BLTP1: variants seen among roughly 807,000 people sequenced by gnomAD.
BLTP1 encodes the protein bridge-like lipid transfer protein family member 1.
the BLTP1 span, among the ~76,000 whole-genome samples, chr4:122,286,976 T>TAACAGACTAACCCTGTAAATAAA: frequency 6.6e-6 from 1 of 152,174 alleles, no homozygotes; most frequent in Admixed American, 6.5e-5. Context: ...TTAGTCTGAC[T>TAACAGACTAACCCTGTAAATAAA]ACCCTGTAGT....
chr4:122,314,351 G>A, the BLTP1 span, among the ~76,000 whole-genome samples: 1 of 152,172 alleles, frequency 6.6e-6, no homozygotes, highest in East Asian at 1.9e-4. Flanking sequence ...TAGTGAGTAG[G>A]CTAGCCATTG....
the BLTP1 span, among the ~76,000 whole-genome samples, chr4:122,299,497 T>C: frequency 6.6e-6 from 1 of 152,196 alleles, no homozygotes; most frequent in African/African-American, 2.4e-5. Context: ...GGAAATAGCA[T>C]TGAAAAGTAA....
chr4:122,282,779 T>C, the BLTP1 span, among the ~76,000 whole-genome samples: 1 of 152,244 alleles, frequency 6.6e-6, no homozygotes, highest in Non-Finnish European at 1.5e-5. Context: ...TTTAGCTGTT[T>C]TGAACTTTGT....
the BLTP1 span, chr4:122,336,322 C>A: frequency 6.2e-7 from 1 of 1,610,396 alleles, no homozygotes; most frequent in Non-Finnish European, 8.5e-7. Context: ...TGGAAACTAT[C>A]CCAATTACAC....
the BLTP1 span, among the ~76,000 whole-genome samples, chr4:122,335,657 C>T: frequency 6.6e-6 from 1 of 152,192 alleles, no homozygotes; most frequent in African/African-American, 2.4e-5. Flanking sequence ...GGATGTCTTT[C>T]CTGGATTTGA....
At chr4:122,348,553 T>C in the BLTP1 span, 1 of 1,577,436 alleles carries the variant, frequency 6.3e-7, no homozygotes, top group Admixed American at 1.8e-5. Context: ...TGTATTTGAT[T>C]TTTCTATTTT....
At chr4:122,325,657 GATACTC>G in the BLTP1 span, 1 of 1,067,558 alleles carries the variant, frequency 9.4e-7, no homozygotes. Context: ...GTGGAATATT[GATACTC>G]ATTTATGTAT....
the BLTP1 span, chr4:122,291,723 A>T: frequency 1.0e-6 from 1 of 979,452 alleles, no homozygotes; most frequent in Non-Finnish European, 1.2e-6. Context: ...TTACCATCTT[A>T]GAATTGGGCC....
chr4:122,333,893 A>C, the BLTP1 span: 5 of 1,487,842 alleles, frequency 3.4e-6, no homozygotes, highest in Non-Finnish European at 4.5e-6. Context: ...TCTTTTTCTC[A>C]TTATATTAAA....
chr4:122,286,631 C>T, the BLTP1 span: 1 of 1,614,052 alleles, frequency 6.2e-7, no homozygotes, highest in South Asian at 1.1e-5. Flanking sequence ...ACCATTCCTC[C>T]TTCTGCCAGT....
the BLTP1 span, chr4:122,276,280 T>C: frequency 3.8e-5 from 14 of 372,374 alleles, no homozygotes; most frequent in South Asian, 1.5e-3. Context: ...CTTGTGCCTT[T>C]TCAGACATGT....
the BLTP1 span, chr4:122,240,378 A>G: frequency 3.2e-6 from 5 of 1,569,758 alleles, no homozygotes; most frequent in African/African-American, 2.7e-5. Flanking sequence ...ATTAGTTTCC[A>G]TTGATATCTT....
the BLTP1 span, among the ~76,000 whole-genome samples, chr4:122,280,650 C>T: frequency 4.4e-4 from 59 of 134,742 alleles, 1 homozygote; most frequent in Admixed American, 1.5e-3. Context: ...GCAACAACAG[C>T]GAAATTCCAT....
chr4:122,234,421 C>T, the BLTP1 span: 1 of 153,710 alleles, frequency 6.5e-6, no homozygotes, highest in Non-Finnish European at 1.4e-5. Context: ...GGATTAGTGT[C>T]TTAAAATTTT....
chr4:122,243,906 A>G, the BLTP1 span: 3 of 1,609,100 alleles, frequency 1.9e-6, no homozygotes, highest in Middle Eastern at 5.0e-4. Flanking sequence ...AGATGATGAA[A>G]CATTAACAGA....
At chr4:122,344,997 TCATTTCC>T in the BLTP1 span, 1 of 984,952 alleles carries the variant, frequency 1.0e-6, no homozygotes. Flanking sequence ...TATGGGCAAG[TCATTTCC>T]TTTACATTGC....
At chr4:122,246,753 A>G in the BLTP1 span, 5 of 1,613,034 alleles carry the variant, frequency 3.1e-6, no homozygotes, top group Non-Finnish European at 4.2e-6. Flanking sequence ...AGTGTGACTC[A>G]TGTTTCCCTA....
the BLTP1 span, chr4:122,299,982 T>C: frequency 6.4e-6 from 6 of 939,414 alleles, no homozygotes; most frequent in South Asian, 5.0e-5. Context: ...AAGACACATA[T>C]AGTTTATTCT....
At chr4:122,296,445 A>G in the BLTP1 span, among the ~76,000 whole-genome samples, 58 of 152,364 alleles carry the variant, frequency 3.8e-4, no homozygotes, top group South Asian at 6.2e-3. Context: ...AAAACATTTC[A>G]TGCACATGGA....
Sources: allele counts gnomAD v4.1 joint callset (sites outside exome capture counted in the v4.1 genomes callset), GRCh38; gene constraint gnomAD v4.1.1; transcripts MANE v1.5; gene names NCBI Gene and HGNC (gene_info 2026-07-23, HGNC 2026-07-21).